Variants in MAN1B1 observed in about 807,000 individuals in gnomAD.
MAN1B1 encodes the protein endoplasmic reticulum mannosyl-oligosaccharide 1,2-alpha-mannosidase.
In MAN1B1, 66 loss-of-function variants were observed where a neutral mutation model predicts 75.5. The observed-to-expected ratio is 0.87, with a 90% CI of 0.72 to 1.07. The LOEUF is 1.07. Among genes scored for constraint, MAN1B1 ranks in the 50% least tolerant of loss-of-function variants. The pLI, the probability that MAN1B1 is intolerant of heterozygous loss-of-function variation, is 0.00. For missense variants in MAN1B1, 973 were observed against 912.5 expected (o/e 1.07, Z -0.85); for synonymous variants, 453 against 382.8 (o/e 1.18, Z -2.14).
rs781280839 is a variant in MAN1B1, at chr9:137,107,532, C to T, written c.1766C>T (p.Pro589Leu). The T allele has an allele frequency of 6.2e-7, 1 of 1,612,990 alleles. No individual in the cohort carries two copies. The highest frequency in any genetic ancestry group is 8.5e-7 in the Non-Finnish European group (1 of 1,179,988). Residue 589 changes from proline (P) to leucine (L), a missense_variant and splice_region_variant, in exon 12 of 13, where the codon CCA (proline) becomes CTA (leucine). Coordinates refer to ENST00000371589, the MANE Select transcript of MAN1B1 (RefSeq NM_016219.5). ...QPGRRDVEVK[P>L]ADRHNLLRPE... ...CCCTGAGCTCTGCTCCGCCCACAGC[C>T]AGCAGACAGGCACAACCTGCTGCGG...
At chr9:137,092,015 G>A (rs886812241) in intron 3 of MAN1B1, among the ~76,000 whole-genome samples, 5 of 152,182 alleles carry the variant, frequency 3.3e-5, no homozygotes, top group African/African-American at 1.2e-4. Context: ...AAGGTATAAA[G>A]GGGAATACAC....
intron 2 of MAN1B1, chr9:137,088,606 C>A: frequency 1.5e-6 from 1 of 688,320 alleles, no homozygotes; most frequent in Non-Finnish European, 2.4e-6. Context: ...CTCCTGCCCA[C>A]CTGCCACATG....
rs1028817659 is a variant in MAN1B1 at position 137,101,676 on chromosome 9, AG to A, written c.1254+9del. The A allele has an allele frequency of 6.2e-7, 1 of 1,611,510 alleles. No homozygotes were observed. The highest frequency in any genetic ancestry group is 1.1e-5 in the South Asian group (1 of 90,918). ...CACAGGGGATAAGAAGTTTCAGGTA[AG>A]GGGGCAGGCTTTCTGGCTGGATGCG... On this transcript the variant is annotated splice_donor_5th_base_variant and intron_variant, in intron 8 of 12. Coordinates refer to ENST00000371589, the MANE Select transcript of MAN1B1 (RefSeq NM_016219.5).
At chr9:137,094,735 C>T (rs149651800) in intron 3 of MAN1B1, among the ~76,000 whole-genome samples, 2 of 151,848 alleles carry the variant, frequency 1.3e-5, no homozygotes, top group African/African-American at 4.8e-5. Context: ...AAAAAATTAA[C>T]CTGGAGTGGT....
Position 137,099,767 on chromosome 9 carries a change from G to A in MAN1B1, c.802G>A (p.Ala268Thr). The change falls in exon 6 of 13, where the codon GCA (alanine) becomes ACA (threonine). Residue 268 changes from alanine to threonine, a missense_variant. Transcript: ENST00000371589. ...TGCATGGAAAGGATACCGCAAGTTT[G>A]CATGGGGCCATGACGAGCTGAAGCC... ...LHAWKGYRKF[A>T]WGHDELKPVS... 1 of 1,614,232 alleles carries A rather than the reference G, an allele frequency of 6.2e-7. No homozygotes were observed. The highest frequency in any genetic ancestry group is 8.5e-7 in the Non-Finnish European group (1 of 1,180,054).
intron 3 of MAN1B1, 90 bp downstream of exon 3, chr9:137,089,095 T>C (rs1830455620): frequency 1.4e-6 from 2 of 1,462,348 alleles, no homozygotes; most frequent in Non-Finnish European, 1.9e-6. Context: ...TATTTTCCTT[T>C]ACCATTTATT....
rs769911409 is a variant in MAN1B1 at position 137,101,482 on chromosome 9, A to C, written c.1066-2A>C. The C allele has an allele frequency of 1.4e-5, 23 of 1,613,770 alleles. No homozygotes were observed. Among genetic ancestry groups the C allele is most frequent in the Non-Finnish European group, 1.9e-5 (23 of 1,180,002 alleles). ...TGGTTCTCTACTCTGCTCATATACC[A>C]GGAGGATTTTGGAAATCGGCTAATG... On this transcript the variant is annotated splice_acceptor_variant, in intron 7 of 12. Transcript: ENST00000371589. LOFTEE classifies it high-confidence loss of function.
intron 1 of MAN1B1, chr9:137,087,583 GC>G (rs1334336037): frequency 2.0e-6 from 1 of 499,980 alleles, no homozygotes; most frequent in Non-Finnish European, 3.8e-6. Flanking sequence ...TGAGAAATGA[GC>G]CCCTCTTGAT....
chr9:137,102,504 T>C (rs1830882950), intron 8 of MAN1B1: 1 of 414,808 alleles, frequency 2.4e-6, no homozygotes, highest in Admixed American at 2.7e-5. Flanking sequence ...TGCAGGTCAG[T>C]GTTACACACA....
chr9:137,106,057 GCCCCTCTACAGCTCA>G (rs1285092773), intron 8 of MAN1B1, 53 bp from the exon 9 acceptor site: 1 of 1,271,992 alleles, frequency 7.9e-7, no homozygotes, highest in Admixed American at 1.8e-5. Context: ...AGCTCACAGA[GCCCCTCTACAGCTCA>G]CCCTGCAGCT....
At chr9:137,095,732 G>C (rs1412525675) in intron 3 of MAN1B1, among the ~76,000 whole-genome samples, 2 of 152,216 alleles carry the variant, frequency 1.3e-5, no homozygotes, top group African/African-American at 2.4e-5. Context: ...ACGGGGCTCT[G>C]TGCCTGCAGG....
In MAN1B1 at chr9:137,106,581, G is replaced by A. The variant is rs548296478; in HGVS notation, c.1446-108G>A. The A allele has an allele frequency of 3.4e-5, 54 of 1,566,962 alleles. No individual in the cohort carries two copies. In the Admixed American group the frequency reaches 6.8e-4, roughly 20 times the overall value. On this transcript the variant is annotated intron_variant, in intron 9 of 12. Transcript: ENST00000371589. Reference sequence around the variant, plus strand: ...CAGGGTGGCACCTTCTGTCCGGCAAGGGCCAGGCCTGCTGTACTTGTGTGG... The same window carrying A: ...CAGGGTGGCACCTTCTGTCCGGCAAAGGCCAGGCCTGCTGTACTTGTGTGG...
In MAN1B1 at chr9:137,100,776, T is replaced by C. The variant is rs4880202; in HGVS notation, c.917-229T>C. Among the ~76,000 whole-genome samples, 50,483 of 151,942 alleles carry C rather than the reference T, an allele frequency of 0.33. 8,776 individuals carry two copies. Among genetic ancestry groups the C allele is most frequent in the Non-Finnish European group, 0.37 (24,986 of 67,938 alleles). ...TTGGGACCACAGGCATGCGCCACCA[T>C]ACTCAGCTAATTTTTGTGTTTTTAG... is the stretch of plus-strand genomic sequence containing the variant. On this transcript the variant is annotated intron_variant, in intron 6 of 12. Coordinates refer to ENST00000371589, the MANE Select transcript of MAN1B1 (RefSeq NM_016219.5).
intron 6 of MAN1B1, among the ~76,000 whole-genome samples, chr9:137,100,310 G>C (rs941322094): frequency 1.3e-5 from 2 of 152,188 alleles, no homozygotes; most frequent in Non-Finnish European, 2.9e-5. Flanking sequence ...CTAATTTTTT[G>C]AATAGGTTGA....
At position 137,106,822 on chromosome 9, in the gene MAN1B1, G is replaced by A; in HGVS notation, c.1566+13G>A. ...CAGTGCCAAGATGGTGAGTGTGTCT[G>A]CGGGGCCTTCCGGCCGCCGCCCCTT... is the stretch of plus-strand genomic sequence containing the variant. On this transcript the variant is annotated intron_variant, in intron 10 of 12. Coordinates refer to ENST00000371589, the MANE Select transcript of MAN1B1 (RefSeq NM_016219.5). The A allele has an allele frequency of 6.2e-7, 1 of 1,612,288 alleles. No homozygotes were observed. Among genetic ancestry groups the A allele is most frequent in the Non-Finnish European group, 8.5e-7 (1 of 1,179,514 alleles).
Position 137,106,825 on chromosome 9 carries a change from G to C in MAN1B1, c.1566+16G>C. On this transcript the variant is annotated intron_variant, in intron 10 of 12. Transcript: ENST00000371589. Reference sequence around the variant, plus strand: ...TGCCAAGATGGTGAGTGTGTCTGCGGGGCCTTCCGGCCGCCGCCCCTTTTA... The same window carrying C: ...TGCCAAGATGGTGAGTGTGTCTGCGCGGCCTTCCGGCCGCCGCCCCTTTTA... The C allele has an allele frequency of 1.2e-6, 2 of 1,611,880 alleles. No homozygotes were observed. The highest frequency in any genetic ancestry group is 1.1e-5 in the South Asian group (1 of 91,042).
chr9:137,091,521 A>ATTTTTTTTTTTTTTTTTTTTT (rs964752016), intron 3 of MAN1B1, among the ~76,000 whole-genome samples: 6 of 89,920 alleles, frequency 6.7e-5, no homozygotes, highest in Non-Finnish European at 1.4e-4. Context: ...TTTGTTTTAT[A>ATTTTTTTTTTTTTTTTTTTTT]TTTTTTTTTT....
Position 137,096,202 on chromosome 9 carries a change from C to T in MAN1B1, c.466-35C>T, listed in dbSNP as rs377464906. 4.3e-6 allele frequency: 7 copies of T among 1,613,586 alleles called. No individual in the cohort carries two copies. In the African/African-American group the frequency reaches 6.7e-5, roughly 15 times the overall value. On this transcript the variant is annotated intron_variant, in intron 3 of 12. Coordinates refer to ENST00000371589, the MANE Select transcript of MAN1B1 (RefSeq NM_016219.5). The stretch of plus-strand genomic sequence containing the variant: ...GGGAAAGAAGGGCAGCTCGCAGACA[C>T]CCCGTGATTTCCTGTGTGACCAATT...
At chr9:137,102,173 T>C (rs1830844447) in intron 8 of MAN1B1, 1 of 433,666 alleles carries the variant, frequency 2.3e-6, no homozygotes, top group Non-Finnish European at 4.6e-6. Context: ...ATTCCTGCTG[T>C]TGCAGGAGTA....
Sources: gnomAD v4.1 joint callset for allele counts (sites outside exome capture counted in the v4.1 genomes callset) on GRCh38, gnomAD v4.1.1 for gene constraint, MANE v1.5 for transcripts, NCBI Gene and HGNC (gene_info 2026-07-23, HGNC 2026-07-21) for gene names.